IGBP1: variants seen among roughly 807,000 people sequenced by gnomAD.
IGBP1 encodes immunoglobulin-binding protein 1.
A neutral mutation model predicts 25.9 loss-of-function variants in IGBP1; 2 were observed. That is an observed-to-expected ratio of 0.08 (90% CI 0.03 to 0.24). IGBP1 has a LOEUF of 0.24. IGBP1 is among the 10% of genes least tolerant of loss of function. The pLI, the probability that IGBP1 is intolerant of heterozygous loss-of-function variation, is 1.00. For synonymous variants in IGBP1, 96 were observed against 93.4 expected (o/e 1.03, Z -0.16); for missense variants, 187 against 260.4 (o/e 0.72, Z 1.94).
At chrX:70,161,460 G>C (rs747810277) in intron 6 of IGBP1, among the ~76,000 whole-genome samples, 26 of 111,109 alleles carry the variant, frequency 2.3e-4, no homozygotes, top group Non-Finnish European at 4.3e-4. Context: ...GCTGAGGCAG[G>C]GAATATACAA....
chrX:70,138,480 CAAAAAAAAAA>C (rs35566042), intron 3 of IGBP1, among the ~76,000 whole-genome samples: 1 of 54,496 alleles, frequency 1.8e-5, no homozygotes, highest in Non-Finnish European at 3.1e-5. Context: ...GACCCTGTCT[CAAAAAAAAAA>C]AAAAAAAAAA....
intron 5 of IGBP1, chrX:70,149,486 T>A (rs2085189214): frequency 8.8e-6 from 1 of 113,803 alleles, no homozygotes; most frequent in African/African-American, 3.3e-5. Flanking sequence ...AAACCCCGTC[T>A]CTACTAAAAG....
At chrX:70,136,012 AAT>A (rs1219784034) in intron 3 of IGBP1, among the ~76,000 whole-genome samples, 3 of 112,001 alleles carry the variant, frequency 2.7e-5, no homozygotes, top group Non-Finnish European at 5.6e-5. Context: ...TTAAAAGAGA[AAT>A]ATATATAAAG....
intron 3 of IGBP1, among the ~76,000 whole-genome samples, chrX:70,135,032 AT>A (rs1482605145): frequency 7.1e-5 from 8 of 112,316 alleles, no homozygotes; most frequent in African/African-American, 2.6e-4. Context: ...TTACTACCTT[AT>A]GGTTGGCAAC....
intron 3 of IGBP1, among the ~76,000 whole-genome samples, chrX:70,136,478 T>G (rs1159488871): frequency 9.0e-6 from 1 of 111,257 alleles, no homozygotes; most frequent in Non-Finnish European, 1.9e-5. Context: ...TATTTTCCAT[T>G]TATGATGGAT....
chrX:70,134,380 C>G (rs2085082201), intron 2 of IGBP1, 143 bp from the exon 3 acceptor site: 1 of 655,842 alleles, frequency 1.5e-6, no homozygotes, highest in Non-Finnish European at 2.4e-6. Flanking sequence ...CAGCCACTTT[C>G]ATTGAGTGAA....
At chrX:70,135,977 T>C (rs910427848) in intron 3 of IGBP1, among the ~76,000 whole-genome samples, 1 of 111,976 alleles carries the variant, frequency 8.9e-6, no homozygotes, top group Non-Finnish European at 1.9e-5. Context: ...TAATAGGTTC[T>C]TCCTCATAAA....
chrX:70,134,231 T>C (rs2085081247), intron 2 of IGBP1, 96 bp downstream of exon 2: 2 of 815,948 alleles, frequency 2.5e-6, no homozygotes, highest in Admixed American at 2.5e-5. Context: ...CCTTTAGTGG[T>C]GAGAACGTTT....
intron 3 of IGBP1, among the ~76,000 whole-genome samples, chrX:70,140,832 G>A (rs763341048): frequency 8.9e-6 from 1 of 112,045 alleles, no homozygotes; most frequent in Non-Finnish European, 1.9e-5. Flanking sequence ...AGGTCCTAAA[G>A]TGACAACTGG....
rs746939731 is a variant in IGBP1 at position 70,133,459 on chromosome X, C to G, written c.-307C>G. 8 of 230,625 alleles carry G rather than the reference C, an allele frequency of 3.5e-5. No individual in the cohort carries two copies. The highest frequency in any genetic ancestry group is 6.2e-5 in the Non-Finnish European group (8 of 128,775). The allele number at this position is 230,625 out of a possible 1,213,427, so 19.0% of individuals were successfully genotyped here. ...GGGGGCGCTACTTGCACTTCGCGCTCAAGCGACCGGATCTTCAAACCGTGG... is the reference window on the plus strand; with the variant it reads ...GGGGGCGCTACTTGCACTTCGCGCTGAAGCGACCGGATCTTCAAACCGTGG... On this transcript the variant is annotated 5_prime_UTR_variant, in exon 1 of 7. Transcript: ENST00000356413.
chrX:70,145,928 A>G (rs1437424445), intron 3 of IGBP1, among the ~76,000 whole-genome samples: 1 of 111,396 alleles, frequency 9.0e-6, no homozygotes, highest in Non-Finnish European at 1.9e-5. Context: ...TCACGACCTA[A>G]CTCATCTATT....
intron 3 of IGBP1, among the ~76,000 whole-genome samples, chrX:70,142,152 G>A (rs1370655410): frequency 9.0e-6 from 1 of 111,207 alleles, no homozygotes; most frequent in African/African-American, 3.3e-5. Flanking sequence ...GGGCAATATG[G>A]TGAAACCCTG....
At chrX:70,135,782 A>C (rs1240328003) in intron 3 of IGBP1, among the ~76,000 whole-genome samples, 1 of 111,528 alleles carries the variant, frequency 9.0e-6, no homozygotes, top group Non-Finnish European at 1.9e-5. Context: ...AATGATACTG[A>C]AGAATGTTGT....
At chrX:70,140,117 G>A (rs893794425) in intron 3 of IGBP1, among the ~76,000 whole-genome samples, 1 of 112,236 alleles carries the variant, frequency 8.9e-6, no homozygotes, top group African/African-American at 3.2e-5. Context: ...CTTCATGTTT[G>A]TTTCCTTCTT....
At chrX:70,161,656 G>A (rs769384229) in intron 6 of IGBP1, among the ~76,000 whole-genome samples, 2 of 112,153 alleles carry the variant, frequency 1.8e-5, no homozygotes, top group East Asian at 5.6e-4. Flanking sequence ...TTAGTCCACA[G>A]TTGGGCAAAA....
intron 3 of IGBP1, among the ~76,000 whole-genome samples, chrX:70,144,872 G>C (rs1157485058): frequency 1.1e-4 from 12 of 107,004 alleles, no homozygotes; most frequent in Admixed American, 6.1e-4. Context: ...GTTGGCCAGG[G>C]TGGTCTTGAT....
At chrX:70,138,778 G>A (rs1398466827) in intron 3 of IGBP1, among the ~76,000 whole-genome samples, 1 of 111,443 alleles carries the variant, frequency 9.0e-6, no homozygotes, top group Non-Finnish European at 1.9e-5. Flanking sequence ...TGCTCTAGTT[G>A]TACCATAATT....
At position 70,148,797 on chromosome X, in the gene IGBP1, C is replaced by T. The variant is rs1412238750; in HGVS notation, c.715C>T (p.Pro239Ser). The T allele has an allele frequency of 2.5e-6, 3 of 1,205,700 alleles. No individual in the cohort carries two copies. Among genetic ancestry groups the T allele is most frequent in the Admixed American group, 2.2e-5 (1 of 46,101 alleles). Reference sequence around the variant, plus strand: ...TAACTCATCTCGCCAGGAGAGGCCTCCAGTGAAACCCTTCATTCTCACTCG... The same window carrying T: ...TAACTCATCTCGCCAGGAGAGGCCTTCAGTGAAACCCTTCATTCTCACTCG... ...TSNSSRQERP[P>S]VKPFILTRNM... Residue 239 changes from proline (P) to serine (S), a missense_variant, in exon 5 of 7, where the codon CCA (proline) becomes TCA (serine). Transcript: ENST00000356413.
rs2085296474 is a variant in IGBP1, at chrX:70,166,117, G to A, written c.*136G>A. 1.7e-6 allele frequency: 1 copy of A among 581,195 alleles called. No individual in the cohort carries two copies. The highest frequency in any genetic ancestry group is 2.3e-5 in the African/African-American group (1 of 43,974). The allele number at this position is 581,195 out of a possible 1,213,427, so 47.9% of individuals were successfully genotyped here. On this transcript the variant is annotated 3_prime_UTR_variant, in exon 7 of 7. Transcript: ENST00000356413. ...GATGCTAAATCTTGCTTTGCATTCA[G>A]TAAAGTGTCAAGTGATTAAGTGTGT...
Sources: allele counts gnomAD v4.1 joint callset (sites outside exome capture counted in the v4.1 genomes callset), GRCh38; gene constraint gnomAD v4.1.1; transcripts MANE v1.5; gene names NCBI Gene and HGNC (gene_info 2026-07-23, HGNC 2026-07-21).